BRINP3: variants seen among roughly 807,000 people sequenced by gnomAD.
BRINP3 encodes the protein BMP/retinoic acid-inducible neural-specific protein 3.
In BRINP3, 19 loss-of-function variants were observed where a neutral mutation model predicts 71.0. That is an observed-to-expected ratio of 0.27 (90% CI 0.19 to 0.39). The LOEUF (loss-of-function observed/expected upper bound fraction) is 0.39. BRINP3 is among the 10% of genes least tolerant of loss of function. The pLI is 1.00. For synonymous variants in BRINP3, 380 were observed against 337.7 expected (o/e 1.13, Z -1.37); for missense variants, 959 against 940.8 (o/e 1.02, Z -0.25).
At chr1:190,201,420 A>T (rs1284790149) in intron 6 of BRINP3, among the ~76,000 whole-genome samples, 1 of 152,106 alleles carries the variant, frequency 6.6e-6, no homozygotes. Context: ...AAATTTGGAA[A>T]ATTTGCTGCC....
At position 190,427,954 on chromosome 1, in the gene BRINP3, C is replaced by T. The variant is rs527591901; in HGVS notation, c.236+26701G>A. Among the ~76,000 whole-genome samples the T allele has an allele frequency of 2.0e-5, 3 of 149,010 alleles. No individual in the cohort carries two copies. In the East Asian group the frequency reaches 6.0e-4, roughly 30 times the overall value. ...CTTCCTCTCTATGTGTCCATGTGTT[C>T]TTGTCATTTAGCTCCCAGTTATAAG... On this transcript the variant is annotated intron_variant, in intron 2 of 7. Coordinates refer to ENST00000367462, the MANE Select transcript of BRINP3 (RefSeq NM_199051.3).
intron 6 of BRINP3, among the ~76,000 whole-genome samples, chr1:190,198,760 G>A (rs959701324): frequency 2.6e-5 from 4 of 152,142 alleles, no homozygotes; most frequent in Non-Finnish European, 2.9e-5. Context: ...CAACATTTTG[G>A]TAAAAACAAA....
intron 2 of BRINP3, among the ~76,000 whole-genome samples, chr1:190,390,363 G>T (rs1019703027): frequency 2.6e-5 from 4 of 151,756 alleles, no homozygotes; most frequent in African/African-American, 9.7e-5. Context: ...TAATGACAAT[G>T]TCTAAGACAT....
intron 2 of BRINP3, among the ~76,000 whole-genome samples, chr1:190,297,779 CGT>C (rs58341057): frequency 0.029 from 4,253 of 146,550 alleles, 148 homozygotes; most frequent in African/African-American, 0.092. Context: ...TCTGTTTTCT[CGT>C]GTGTGTGTGT....
At chr1:190,200,274 C>T (rs954283896) in intron 6 of BRINP3, among the ~76,000 whole-genome samples, 7 of 152,052 alleles carry the variant, frequency 4.6e-5, no homozygotes, top group Admixed American at 1.3e-4. Context: ...GTGAATTATG[C>T]CAAAGTCTAT....
intron 2 of BRINP3, among the ~76,000 whole-genome samples, chr1:190,322,522 G>A (rs545071099): frequency 2.0e-5 from 3 of 151,918 alleles, no homozygotes; most frequent in Non-Finnish European, 2.9e-5. Flanking sequence ...GAAAAAGTGC[G>A]GCTGAGAAAC....
At chr1:190,467,952 T>G (rs1571393931) in intron 1 of BRINP3, among the ~76,000 whole-genome samples, 2 of 151,484 alleles carry the variant, frequency 1.3e-5, no homozygotes, top group East Asian at 3.8e-4. Context: ...CTATTAAATA[T>G]TAGCTATTCT....
intron 6 of BRINP3, among the ~76,000 whole-genome samples, chr1:190,220,056 A>G (rs1656740730): frequency 6.6e-6 from 1 of 151,984 alleles, no homozygotes; most frequent in Non-Finnish European, 1.5e-5. Flanking sequence ...ATAAATAATG[A>G]AAAACTGTGC....
chr1:190,113,636 T>C (rs1652875591), intron 7 of BRINP3, among the ~76,000 whole-genome samples: 1 of 152,168 alleles, frequency 6.6e-6, no homozygotes, highest in Non-Finnish European at 1.5e-5. Context: ...CAGAATTAAA[T>C]AGAACTATAC....
chr1:190,282,311 T>A (rs6672733), intron 2 of BRINP3, among the ~76,000 whole-genome samples: 2,335 of 151,764 alleles, frequency 0.015, 77 homozygotes, highest in African/African-American at 0.053. Context: ...CTATTGCAAT[T>A]TCTCAAGATG....
At chr1:190,242,637 G>T (rs543978453) in intron 4 of BRINP3, among the ~76,000 whole-genome samples, 5 of 152,054 alleles carry the variant, frequency 3.3e-5, no homozygotes, top group African/African-American at 1.2e-4. Flanking sequence ...GAAGTTTATA[G>T]AACTGCATTT....
chr1:190,180,638 A>T (rs1041349141), intron 6 of BRINP3, among the ~76,000 whole-genome samples: 18 of 152,220 alleles, frequency 1.2e-4, no homozygotes, highest in African/African-American at 4.1e-4. Context: ...GAATTGATAA[A>T]TAAATTGCTT....
chr1:190,332,155 A>T (rs1212183391), intron 2 of BRINP3, among the ~76,000 whole-genome samples: 1 of 152,112 alleles, frequency 6.6e-6, no homozygotes, highest in South Asian at 2.1e-4. Flanking sequence ...ACAATGATAC[A>T]TGTCAAGAAG....
intron 2 of BRINP3, among the ~76,000 whole-genome samples, chr1:190,325,422 A>G (rs1666515642): frequency 6.6e-6 from 1 of 152,022 alleles, no homozygotes; most frequent in African/African-American, 2.4e-5. Flanking sequence ...AAAAATGATA[A>G]AAGTCAGCAA....
intron 6 of BRINP3, among the ~76,000 whole-genome samples, chr1:190,161,373 CAAAA>C (rs1571876002): frequency 1.3e-5 from 2 of 150,834 alleles, no homozygotes; most frequent in South Asian, 2.1e-4. Flanking sequence ...TAAAGAAAAA[CAAAA>C]ACCTTTTTAA....
chr1:190,441,636 C>A (rs1245789409), intron 2 of BRINP3, among the ~76,000 whole-genome samples: 1 of 151,860 alleles, frequency 6.6e-6, no homozygotes, highest in African/African-American at 2.4e-5. Context: ...TTGGAATAAA[C>A]CAGTATGTTT....
intron 2 of BRINP3, among the ~76,000 whole-genome samples, chr1:190,433,577 C>T (rs1018899134): frequency 4.6e-5 from 7 of 152,106 alleles, no homozygotes; most frequent in Admixed American, 2.0e-4. Flanking sequence ...CTTACTATAA[C>T]CCTTTTTAGA....
chr1:190,388,017 C>T (rs1358578022), intron 2 of BRINP3, among the ~76,000 whole-genome samples: 1 of 151,712 alleles, frequency 6.6e-6, no homozygotes, highest in Non-Finnish European at 1.5e-5. Flanking sequence ...TGTATATGTA[C>T]ATTAATTAAT....
intron 3 of BRINP3, among the ~76,000 whole-genome samples, chr1:190,279,890 T>C (rs1662906692): frequency 6.6e-6 from 1 of 151,860 alleles, no homozygotes; most frequent in South Asian, 2.1e-4. Context: ...TATCTAGTTA[T>C]TTGGATGACC....
Sources: gnomAD v4.1 joint callset for allele counts (sites outside exome capture counted in the v4.1 genomes callset) on GRCh38, gnomAD v4.1.1 for gene constraint, MANE v1.5 for transcripts, NCBI Gene and HGNC (gene_info 2026-07-23, HGNC 2026-07-21) for gene names.